The following ATAD2B variants were observed in gnomAD, a reference collection of about 807,000 sequenced individuals.
The protein encoded by ATAD2B is ATPase family AAA domain-containing protein 2B.
ATAD2B carries 40 observed loss-of-function variants against 167.6 expected under a neutral mutation model. The observed-to-expected ratio is 0.24, with a 90% CI of 0.19 to 0.31. ATAD2B has a LOEUF of 0.31. Ranked by LOEUF, ATAD2B falls within the 10% of genes least tolerant of loss-of-function variation. ATAD2B has a pLI of 1.00. For missense variants in ATAD2B, 1,242 were observed against 1,757.2 expected (o/e 0.71, Z 5.24); for synonymous variants, 579 against 596.5 (o/e 0.97, Z 0.43).
chr2:23,685,842 C>T, the ATAD2B span, among the ~76,000 whole-genome samples: 3 of 152,304 alleles, frequency 2.0e-5, no homozygotes, highest in East Asian at 1.9e-4. Flanking sequence ...AGCAGGGGCC[C>T]GCATCGGGCT....
intron 17 of ATAD2B, among the ~76,000 whole-genome samples, chr2:23,819,508 A>G (rs972944043): frequency 6.6e-6 from 1 of 151,510 alleles, no homozygotes; most frequent in African/African-American, 2.4e-5. Flanking sequence ...AAAAAAAAAA[A>G]GTAAAGTAGC....
chr2:23,894,883 A>G (rs1221623898), intron 2 of ATAD2B, among the ~76,000 whole-genome samples: 1 of 152,224 alleles, frequency 6.6e-6, no homozygotes, highest in African/African-American at 2.4e-5. Flanking sequence ...ATAAACTGGT[A>G]CATCTTATGG....
intron 18 of ATAD2B, chr2:23,806,325 C>T (rs1439876330): frequency 6.6e-6 from 1 of 152,128 alleles, no homozygotes; most frequent in Non-Finnish European, 1.5e-5. Context: ...GTAAATAATC[C>T]ATTTCTTCCA....
intron 27 of ATAD2B, among the ~76,000 whole-genome samples, chr2:23,753,473 T>C (rs1390749393): frequency 6.6e-6 from 1 of 152,150 alleles, no homozygotes; most frequent in Non-Finnish European, 1.5e-5. Flanking sequence ...TTAAGTCATT[T>C]AGCCATTTTG....
chr2:23,869,893 C>A, intron 8 of ATAD2B, 132 bp from the exon 9 acceptor site: 8 of 615,792 alleles, frequency 1.3e-5, no homozygotes, highest in South Asian at 6.6e-5. Context: ...TACCCTCATA[C>A]AATTTACATG....
In ATAD2B at chr2:23,926,837, G is replaced by A; in HGVS notation, c.-67C>T. 2.8e-6 allele frequency: 4 copies of A among 1,447,162 alleles called. No individual in the cohort carries two copies. The highest frequency in any genetic ancestry group is 2.8e-5 in the Admixed American group (1 of 35,486). 89.6% of individuals were successfully genotyped at this position (1,447,162 alleles called of 1,614,324 possible). ...GCCGAGCAAGGCCGGCCCGCCGGCC[G>A]GTCAGTCAGGGCCAGCGGAGCCGAG... On this transcript the variant is annotated 5_prime_UTR_variant, in exon 1 of 28. Coordinates refer to ENST00000238789, the MANE Select transcript of ATAD2B (RefSeq NM_017552.4).
chr2:23,798,091 T>G, intron 19 of ATAD2B, 47 bp downstream of exon 19: 1 of 1,238,328 alleles, frequency 8.1e-7, no homozygotes, highest in Non-Finnish European at 1.1e-6. Flanking sequence ...AGTCAACTAT[T>G]TTAGAACAAT....
chr2:23,734,752 G>A, the ATAD2B span, among the ~76,000 whole-genome samples: 1 of 152,110 alleles, frequency 6.6e-6, no homozygotes, highest in Admixed American at 6.5e-5. Context: ...TCCAATGCTG[G>A]GGATTACAAT....
intron 1 of ATAD2B, among the ~76,000 whole-genome samples, chr2:23,899,677 G>A (rs961003075): frequency 2.6e-5 from 4 of 151,880 alleles, no homozygotes; most frequent in Non-Finnish European, 5.9e-5. Flanking sequence ...TGCAAGCTCC[G>A]CCTCCTGGGT....
chr2:23,690,684 C>T, the ATAD2B span: 2 of 152,256 alleles, frequency 1.3e-5, no homozygotes, highest in African/African-American at 4.8e-5. Context: ...GGGGCCGCCT[C>T]CGGACTCCTA....
chr2:23,916,872 C>G (rs1703115445), intron 1 of ATAD2B, among the ~76,000 whole-genome samples: 2 of 152,184 alleles, frequency 1.3e-5, no homozygotes, highest in Admixed American at 1.3e-4. Flanking sequence ...TGAAAGGGCA[C>G]TAGACCTGAG....
chr2:23,713,563 ACTCCCCATT>A, the ATAD2B span, among the ~76,000 whole-genome samples: 7 of 150,894 alleles, frequency 4.6e-5, no homozygotes, highest in African/African-American at 1.7e-4. Context: ...CCATTAGCAT[ACTCCCCATT>A]CTCCCCAACC....
At chr2:23,716,438 A>ATTC in the ATAD2B span, among the ~76,000 whole-genome samples, 1 of 150,090 alleles carries the variant, frequency 6.7e-6, no homozygotes, top group Non-Finnish European at 1.5e-5. Flanking sequence ...GGGACCTTTC[A>ATTC]TTGTTGTTGT....
At chr2:23,855,021 C>T (rs570505414) in intron 13 of ATAD2B, among the ~76,000 whole-genome samples, 2 of 152,174 alleles carry the variant, frequency 1.3e-5, no homozygotes, top group African/African-American at 4.8e-5. Context: ...ATGGCAAAAC[C>T]CTGTCTCTAC....
At chr2:23,817,798 A>G (rs374903894) in intron 17 of ATAD2B, among the ~76,000 whole-genome samples, 1 of 152,158 alleles carries the variant, frequency 6.6e-6, no homozygotes, top group African/African-American at 2.4e-5. Flanking sequence ...GAACTAGAAA[A>G]GCTTATGTAA....
intron 13 of ATAD2B, among the ~76,000 whole-genome samples, chr2:23,842,670 T>C (rs1269931489): frequency 6.6e-6 from 1 of 152,068 alleles, no homozygotes; most frequent in Non-Finnish European, 1.5e-5. Context: ...AAGTTATTAA[T>C]ATTAAAGAAT....
At position 23,749,205 on chromosome 2, in the gene ATAD2B, G is replaced by A. The variant is rs899244640; in HGVS notation, c.*2841C>T. The stretch of plus-strand genomic sequence containing the variant: ...AAAATCACAGGTGAGATTCAAGCTC[G>A]AAAACACAATTAACTCCACAGCCAT... On this transcript the variant is annotated 3_prime_UTR_variant, in exon 28 of 28. Transcript: ENST00000238789. 3.3e-5 allele frequency: 5 copies of A among 151,448 alleles called. No individual in the cohort carries two copies. In the East Asian group the frequency reaches 5.8e-4, roughly 18 times the overall value. The allele number at this position is 151,448 out of a possible 1,614,324, so 9.4% of individuals were successfully genotyped here.
rs77136882 is a variant in ATAD2B at position 23,763,597 on chromosome 2, T to C, written c.3257-1251A>G. 3.4e-3 allele frequency among the ~76,000 whole-genome samples: 509 copies of C among 151,936 alleles called. 3 individuals carry two copies. Among genetic ancestry groups the C allele is most frequent in the African/African-American group, 0.012 (492 of 41,442 alleles). ...TTTTACTTAGCATAATGTTTTGGGG[T>C]TTTTTTTGTTGAGACAACATCTTGC... On this transcript the variant is annotated intron_variant, in intron 23 of 27. Transcript: ENST00000238789.
chr2:23,867,526 C>A (rs997888251), intron 10 of ATAD2B, among the ~76,000 whole-genome samples: 1 of 152,158 alleles, frequency 6.6e-6, no homozygotes, highest in Non-Finnish European at 1.5e-5. Context: ...GAGTGAGCTA[C>A]CCAAAATACA....
Sources: allele counts gnomAD v4.1 joint callset (sites outside exome capture counted in the v4.1 genomes callset), GRCh38; gene constraint gnomAD v4.1.1; transcripts MANE v1.5; gene names NCBI Gene and HGNC (gene_info 2026-07-23, HGNC 2026-07-21).